Variants in MTAP observed in about 807,000 individuals in gnomAD.
MTAP encodes the protein methylthioadenosine phosphorylase.
A neutral mutation model predicts 33.6 loss-of-function variants in MTAP; 33 were observed. That is an observed-to-expected ratio of 0.98 (90% CI 0.74 to 1.31). The LOEUF (loss-of-function observed/expected upper bound fraction) is 1.31, where lower values mean the gene tolerates loss of function less well. Ranked by LOEUF, MTAP falls within the 40% of genes most tolerant of loss-of-function variation. The pLI is 0.00. For synonymous variants in MTAP, 148 were observed against 125.7 expected (o/e 1.18, Z -1.19); for missense variants, 367 against 360.0 (o/e 1.02, Z -0.16).
downstream of MTAP, among the ~76,000 whole-genome samples, chr9:21,872,025 T>C (rs79495898): frequency 6.1e-3 from 924 of 152,312 alleles, 17 homozygotes; most frequent in East Asian, 0.056. Flanking sequence ...CTAAAAGGTA[T>C]CTGCTCTCTG....
At chr9:21,851,445 A>G (rs950091298) in intron 5 of MTAP, among the ~76,000 whole-genome samples, 2 of 152,244 alleles carry the variant, frequency 1.3e-5, no homozygotes, top group East Asian at 3.8e-4. Flanking sequence ...TTGACTTCAC[A>G]TCAACATTTA....
chr9:21,922,738 T>C lies in MTAP; in HGVS notation c.148-8270T>C, dbSNP rs1818807606. The stretch of plus-strand genomic sequence containing the variant: ...GCCTTCCAACCAATTCCCAGAACTA[T>C]TACTCTCAGCCACAGTGGCTCTGCA... On this transcript the variant is annotated intron_variant, in intron 1 of 1. Coordinates refer to the MTAP transcript ENST00000577563. This position sits in a 1 kb window ranked among gnomAD's most constrained non-coding sequence, Gnocchi z 4.8. 6.6e-6 allele frequency among the ~76,000 whole-genome samples: 1 copy of C among 152,138 alleles called. No homozygotes were observed. Among genetic ancestry groups the C allele is most frequent in the African/African-American group, 2.4e-5 (1 of 41,422 alleles).
intron 1 of MTAP, among the ~76,000 whole-genome samples, chr9:21,886,376 G>A (rs1411906487): frequency 1.3e-5 from 2 of 152,014 alleles, no homozygotes; most frequent in African/African-American, 4.8e-5. Context: ...CATAGTTTTT[G>A]AAGATTTTCT....
rs193056548 is a variant in MTAP, at chr9:21,865,297, C to T, written c.*3283C>T. On this transcript the variant is annotated 3_prime_UTR_variant, in exon 8 of 8. Transcript: ENST00000644715. ...CTTCCTGCCATCATGTGAAGAAGGA[C>T]GTGTTTGTTTCCCCTTCTGCCACGA... is the stretch of plus-strand genomic sequence containing the variant. The T allele has an allele frequency of 1.7e-5, 8 of 460,482 alleles. No homozygotes were observed. Among genetic ancestry groups the T allele is most frequent in the Non-Finnish European group, 1.1e-5 (4 of 350,472 alleles). 28.5% of individuals were successfully genotyped at this position (460,482 alleles called of 1,614,324 possible).
intron 4 of MTAP, among the ~76,000 whole-genome samples, chr9:21,824,906 CG>C (rs1824748799): frequency 6.6e-6 from 1 of 152,178 alleles, no homozygotes; most frequent in African/African-American, 2.4e-5. Context: ...GAGCTATGCA[CG>C]GGATATAATC....
In MTAP at chr9:21,806,400, G is replaced by C. The variant is rs138746907; in HGVS notation, c.33+3619G>C. ...TGGATCATTTCAAAGTGGGCGATAA[G>C]GGGCCACGAGTGACTCCTTGGAGCC... is the stretch of plus-strand genomic sequence containing the variant. On this transcript the variant is annotated intron_variant, in intron 1 of 7. Transcript: ENST00000644715. Among the ~76,000 whole-genome samples the C allele has an allele frequency of 7.4e-4, 112 of 151,968 alleles. No individual in the cohort carries two copies. In the Middle Eastern group the frequency reaches 0.01, roughly 14 times the overall value.
chr9:21,918,858 A>G (rs1481005483), intron 1 of MTAP, among the ~76,000 whole-genome samples: 3 of 138,802 alleles, frequency 2.2e-5, no homozygotes, highest in Non-Finnish European at 4.4e-5. Context: ...CTGTGAGTCA[A>G]TTAACTCTTC....
intron 4 of MTAP, among the ~76,000 whole-genome samples, chr9:21,834,369 TG>T (rs1825050088): frequency 6.6e-6 from 1 of 152,198 alleles, no homozygotes; most frequent in African/African-American, 2.4e-5. Flanking sequence ...TCCCAAGCTA[TG>T]GGGAGATAAA....
chr9:21,906,157 A>G (rs1376878383), intron 1 of MTAP, among the ~76,000 whole-genome samples: 1 of 152,238 alleles, frequency 6.6e-6, no homozygotes, highest in Non-Finnish European at 1.5e-5. Flanking sequence ...CCAAAATACA[A>G]AACTCAAGAA....
intron 4 of MTAP, among the ~76,000 whole-genome samples, chr9:21,834,659 G>A (rs141817491): frequency 4.6e-5 from 7 of 152,224 alleles, no homozygotes; most frequent in African/African-American, 1.2e-4. Flanking sequence ...TTCTGCCTCC[G>A]TCTTCCACAT....
chr9:21,901,119 T>C (rs1471510697), intron 1 of MTAP, among the ~76,000 whole-genome samples: 1 of 152,158 alleles, frequency 6.6e-6, no homozygotes, highest in African/African-American at 2.4e-5. Context: ...CTCCATGACA[T>C]ACAGTTTACC....
In MTAP at chr9:21,802,672, C is replaced by G. The variant is rs1029076635; in HGVS notation, c.-77C>G. On this transcript the variant is annotated 5_prime_UTR_variant, in exon 1 of 8. Coordinates refer to ENST00000644715, the MANE Select transcript of MTAP (RefSeq NM_002451.4). ...TCACTCCCGCGCAGTGAGGTTGGCA[C>G]AGCCACCGCTCTGTGGCTCGCTTGG... 39 of 1,559,676 alleles carry G rather than the reference C, an allele frequency of 2.5e-5. No homozygotes were observed. The African/African-American group carries it at 3.5e-4, about 14-fold the overall frequency.
intron 1 of MTAP, among the ~76,000 whole-genome samples, chr9:21,923,335 C>G (rs890907394): frequency 3.3e-5 from 5 of 152,276 alleles, no homozygotes; most frequent in Admixed American, 6.5e-5. Context: ...TAGGACATCA[C>G]TCTGTGGTTC....
At chr9:21,858,415 C>G (rs572234714) in intron 6 of MTAP, among the ~76,000 whole-genome samples, 8 of 152,110 alleles carry the variant, frequency 5.3e-5, no homozygotes, top group Non-Finnish European at 1.0e-4. Context: ...ACAGGCTGTA[C>G]GGGACGTGAT....
chr9:21,805,624 G>A (rs1232580292), intron 1 of MTAP, among the ~76,000 whole-genome samples: 1 of 152,178 alleles, frequency 6.6e-6, no homozygotes. Context: ...CGTGATTGGG[G>A]TCATAAAGGT....
In MTAP at chr9:21,864,478, T is replaced by G; in HGVS notation, c.*2464T>G. 1 of 985,434 alleles carries G rather than the reference T, an allele frequency of 1.0e-6. No homozygotes were observed. Among genetic ancestry groups the G allele is most frequent in the Non-Finnish European group, 1.2e-6 (1 of 829,938 alleles). The allele number at this position is 985,434 out of a possible 1,614,324, so 61.0% of individuals were successfully genotyped here. ...TGTAGTTTAGTGACTTAGCCCTTAG[T>G]GATTAATAGATTTGCATGTACATAG... On this transcript the variant is annotated 3_prime_UTR_variant, in exon 8 of 8. Coordinates refer to ENST00000644715, the MANE Select transcript of MTAP (RefSeq NM_002451.4).
intron 1 of MTAP, among the ~76,000 whole-genome samples, chr9:21,915,003 C>CTTTT (rs1272918012): frequency 5.1e-4 from 7 of 13,818 alleles, no homozygotes; most frequent in African/African-American, 2.5e-3. Context: ...TGTTTTCTTT[C>CTTTT]CTTCCTTCCT....
At chr9:21,930,218 C>A (rs1286258285) in intron 1 of MTAP, 3 of 276,686 alleles carry the variant, frequency 1.1e-5, no homozygotes, top group Non-Finnish European at 2.1e-5. Context: ...CCCCATGTAC[C>A]CAAGTGTTAG....
intron 1 of MTAP, among the ~76,000 whole-genome samples, chr9:21,814,438 T>A (rs1824427874): frequency 6.6e-6 from 1 of 152,248 alleles, no homozygotes; most frequent in South Asian, 2.1e-4. Context: ...TCAGGTCACT[T>A]CGCATTAATT....
Sources: allele counts gnomAD v4.1 joint callset (sites outside exome capture counted in the v4.1 genomes callset), GRCh38; gene constraint gnomAD v4.1.1; non-coding constraint Gnocchi (gnomAD v3.1); transcripts MANE v1.5; gene names NCBI Gene and HGNC (gene_info 2026-07-23, HGNC 2026-07-21).